Variants in TNIP3 observed in about 807,000 individuals in gnomAD.
TNIP3 encodes the protein TNFAIP3-interacting protein 3.
In TNIP3, 34 loss-of-function variants were observed where a neutral mutation model predicts 54.1. The observed-to-expected ratio is 0.63, with a 90% CI of 0.48 to 0.84. The LOEUF is 0.84. Ranked by LOEUF, TNIP3 falls within the 40% of genes least tolerant of loss-of-function variation. The pLI is 0.00. For synonymous variants in TNIP3, 134 were observed against 136.8 expected, an observed-to-expected ratio of 0.98 and a Z score of 0.14; for missense variants, 366 against 387.6, an observed-to-expected ratio of 0.94 and a Z score of 0.47.
At chr4:121,206,601 T>G (rs1726206891) in intron 2 of TNIP3, among the ~76,000 whole-genome samples, 1 of 151,898 alleles carries the variant, frequency 6.6e-6, no homozygotes, top group Non-Finnish European at 1.5e-5. Flanking sequence ...CAGGCTGGAG[T>G]GTAGTGGTGC....
chr4:121,177,473 A>G (rs1469536427), intron 3 of TNIP3, among the ~76,000 whole-genome samples: 2 of 152,150 alleles, frequency 1.3e-5, no homozygotes, highest in Non-Finnish European at 2.9e-5. Context: ...TCTTCTTTTC[A>G]TATTCTTGGC....
In TNIP3 at chr4:121,137,099, T is replaced by C. The variant is rs189624699; in HGVS notation, c.946+1525A>G. Among the ~76,000 whole-genome samples the C allele has an allele frequency of 2.9e-4, 44 of 152,262 alleles. No individual in the cohort carries two copies. In the East Asian group the frequency reaches 8.5e-3, roughly 29 times the overall value. ...TCTATTTTATGTAATCATTAGCTTG[T>C]GTAATATTGGTCCAGCAAGAATCTA... On this transcript the variant is annotated intron_variant, in intron 10 of 10. Transcript: ENST00000057513.
At position 121,155,293 on chromosome 4, in the gene TNIP3, T is replaced by C. The variant is rs1424267792; in HGVS notation, c.364-614A>G. 3.3e-5 allele frequency among the ~76,000 whole-genome samples: 5 copies of C among 152,258 alleles called. No homozygotes were observed. The East Asian group carries it at 5.8e-4, about 18-fold the overall frequency. On this transcript the variant is annotated intron_variant, in intron 4 of 10. Transcript: ENST00000057513. ...GGTCTGCAGGATAAGCAAGTCCTTA[T>C]ATACTGTCACTAGGTGATGGATAAG... is the stretch of plus-strand genomic sequence containing the variant.
intron 10 of TNIP3, among the ~76,000 whole-genome samples, chr4:121,137,218 T>A (rs1728838455): frequency 6.6e-6 from 1 of 152,200 alleles, no homozygotes; most frequent in African/African-American, 2.4e-5. Flanking sequence ...AAAGAAAATA[T>A]CTTTAATAGT....
intron 10 of TNIP3, chr4:121,137,968 G>A (rs1271767772): frequency 2.2e-6 from 1 of 456,162 alleles, no homozygotes; most frequent in East Asian, 6.9e-5. Flanking sequence ...CCGCTTCTGG[G>A]TGGCCTCACA....
chr4:121,223,037 C>A (rs1169888975), intron 1 of TNIP3, among the ~76,000 whole-genome samples: 1 of 152,156 alleles, frequency 6.6e-6, no homozygotes, highest in African/African-American at 2.4e-5. Flanking sequence ...GATCTCCTGA[C>A]CTCGTGATCC....
intron 6 of TNIP3, among the ~76,000 whole-genome samples, chr4:121,148,568 T>C (rs1342273584): frequency 6.6e-6 from 1 of 152,198 alleles, no homozygotes; most frequent in Non-Finnish European, 1.5e-5. Context: ...GGTTGAGAGT[T>C]TGACAGAGCT....
chr4:121,152,704 T>C (rs1329303733), intron 5 of TNIP3, among the ~76,000 whole-genome samples: 1 of 152,182 alleles, frequency 6.6e-6, no homozygotes, highest in Admixed American at 6.5e-5. Context: ...TCCCTAAAAA[T>C]ACATGTTAAA....
intron 2 of TNIP3, among the ~76,000 whole-genome samples, chr4:121,194,112 C>A (rs753502619): frequency 6.6e-6 from 1 of 151,984 alleles, no homozygotes. Flanking sequence ...AGTAGTGTAT[C>A]GATGTTCATT....
chr4:121,141,600 C>A (rs1729120603), intron 9 of TNIP3, among the ~76,000 whole-genome samples: 2 of 152,070 alleles, frequency 1.3e-5, no homozygotes, highest in South Asian at 4.1e-4. Flanking sequence ...CAATTTAATA[C>A]CTTTCAGTTA....
intron 3 of TNIP3, among the ~76,000 whole-genome samples, chr4:121,170,893 G>T (rs1560666812): frequency 6.6e-6 from 1 of 152,032 alleles, no homozygotes; most frequent in Non-Finnish European, 1.5e-5. Context: ...TCAGCTCACT[G>T]CAATCTCTGC....
intron 1 of TNIP3, among the ~76,000 whole-genome samples, chr4:121,222,955 A>G (rs373130897): frequency 4.6e-5 from 7 of 151,632 alleles, no homozygotes; most frequent in African/African-American, 7.3e-5. Context: ...ACAGGCGCCC[A>G]CCACCACGCC....
At chr4:121,225,744 T>C (rs1727229583) in intron 1 of TNIP3, among the ~76,000 whole-genome samples, 1 of 152,146 alleles carries the variant, frequency 6.6e-6, no homozygotes, top group Non-Finnish European at 1.5e-5. Context: ...AGTAAGCACC[T>C]TTGCCTTCCC....
chr4:121,196,977 A>C (rs1363098878), intron 2 of TNIP3, among the ~76,000 whole-genome samples: 1 of 152,160 alleles, frequency 6.6e-6, no homozygotes, highest in Non-Finnish European at 1.5e-5. Flanking sequence ...TGGGTAGAAT[A>C]AGAATTCAGT....
chr4:121,186,541 C>A (rs1725031391), intron 2 of TNIP3, among the ~76,000 whole-genome samples: 2 of 152,232 alleles, frequency 1.3e-5, no homozygotes, highest in African/African-American at 4.8e-5. Context: ...TAGTGTAAGT[C>A]CTTTAGCTTC....
At chr4:121,133,400 T>A (rs908933256) in intron 10 of TNIP3, among the ~76,000 whole-genome samples, 1 of 152,172 alleles carries the variant, frequency 6.6e-6, no homozygotes, top group Admixed American at 6.5e-5. Flanking sequence ...GCTGAAAAAT[T>A]ATGTTGCTGA....
At chr4:121,179,049 A>C (rs1724531201) in intron 3 of TNIP3, among the ~76,000 whole-genome samples, 1 of 152,228 alleles carries the variant, frequency 6.6e-6, no homozygotes, top group South Asian at 2.1e-4. Flanking sequence ...TCAAAACCAG[A>C]AAGGTTTGAA....
chr4:121,142,865 T>C (rs1280043191), intron 7 of TNIP3, 89 bp from the exon 8 acceptor site: 7 of 1,090,106 alleles, frequency 6.4e-6, no homozygotes, highest in Non-Finnish European at 9.5e-6. Flanking sequence ...GTGTCAGGCA[T>C]TGACAGCAGT....
In TNIP3 at chr4:121,154,632, C is replaced by T. The variant is rs1430492761; in HGVS notation, c.411G>A (p.Glu137=). 1 of 1,612,480 alleles carries T rather than the reference C, an allele frequency of 6.2e-7. No individual in the cohort carries two copies. The highest frequency in any genetic ancestry group is 2.2e-5 in the East Asian group (1 of 44,858). Residue 137 remains glutamate, a synonymous_variant, in exon 5 of 11, where the codon GAG becomes GAA. Transcript: ENST00000057513. ...LNEELHELKE[E]NKLLKGKNTL... ...TATTTTTTCCCTTTAAAAGTTTATT[C>T]TCTTCTTTCAATTCATGTAATTCTT... is the stretch of plus-strand genomic sequence containing the variant.
Sources: allele counts gnomAD v4.1 joint callset (sites outside exome capture counted in the v4.1 genomes callset), GRCh38; gene constraint gnomAD v4.1.1; transcripts MANE v1.5; gene names NCBI Gene and HGNC (gene_info 2026-07-23, HGNC 2026-07-21).